The following MAGI1 variants were observed in gnomAD, a reference collection of about 807,000 sequenced individuals.
MAGI1 encodes membrane-associated guanylate kinase, WW and PDZ domain-containing protein 1.
Under a neutral mutation model 139.9 loss-of-function variants are expected in MAGI1, and 58 were observed. That is an observed-to-expected ratio of 0.41 (90% CI 0.34 to 0.52). MAGI1 has a LOEUF of 0.52. Ranked by LOEUF, MAGI1 falls within the 20% of genes least tolerant of loss-of-function variation. MAGI1 has a pLI of 0.12. For missense variants in MAGI1, 1,874 were observed against 1,901.6 expected (o/e 0.99, Z 0.27); for synonymous variants, 812 against 737.9 (o/e 1.10, Z -1.63).
chr3:65,502,676 A>G (rs1202032081), intron 2 of MAGI1, among the ~76,000 whole-genome samples: 1 of 152,200 alleles, frequency 6.6e-6, no homozygotes, highest in Non-Finnish European at 1.5e-5. Flanking sequence ...TCCCCTTTTT[A>G]CATGGGGCAT....
chr3:65,584,954 A>G (rs2081607160), intron 2 of MAGI1, among the ~76,000 whole-genome samples: 1 of 152,228 alleles, frequency 6.6e-6, no homozygotes, highest in Admixed American at 6.5e-5. Context: ...CATTGTGAGA[A>G]AGGCAGACGG....
intron 3 of MAGI1, among the ~76,000 whole-genome samples, chr3:65,479,339 G>A (rs1484420316): frequency 2.0e-5 from 3 of 151,996 alleles, no homozygotes; most frequent in South Asian, 4.2e-4. Context: ...AGAGTCATGC[G>A]GGGTAGGAAA....
At chr3:65,466,080 T>A (rs570931470) in intron 5 of MAGI1, among the ~76,000 whole-genome samples, 57 of 152,354 alleles carry the variant, frequency 3.7e-4, no homozygotes, top group African/African-American at 1.1e-3. Flanking sequence ...CTACTTTTTT[T>A]AAATCATCTA....
intron 13 of MAGI1, 31 bp from the exon 14 acceptor site, chr3:65,391,389 GA>G (rs751111254): frequency 1.9e-6 from 3 of 1,581,692 alleles, no homozygotes; most frequent in African/African-American, 2.7e-5. Context: ...GGGGCAAGAA[GA>G]AAAGATTATT....
rs776721424 is a variant in MAGI1 at position 66,038,127 on chromosome 3, C to T, written c.182G>A (p.Gly61Asp). ...EAAGLPGGGE[G>D]PRLGEGELLL... ...CAGCTCCCCTTCGCCCAGCCTCGGG[C>T]CCTCGCCGCCGCCGGGAAGCCCCGC... is the stretch of plus-strand genomic sequence containing the variant. The change falls in exon 1 of 23, where the codon GGC (glycine) becomes GAC (aspartate). Residue 61 changes from glycine to aspartate, a missense_variant. This residue lies in a region of MAGI1 where 648 missense variants were observed against 598.1 expected (regional missense o/e 1.08). Transcript: ENST00000402939. The T allele has an allele frequency of 1.7e-5, 28 of 1,612,150 alleles. No individual in the cohort carries two copies. In the South Asian group the frequency reaches 2.5e-4, roughly 15 times the overall value.
At chr3:65,907,568 A>T (rs58757851) in intron 1 of MAGI1, 1 of 152,198 alleles carries the variant, frequency 6.6e-6, no homozygotes, top group South Asian at 2.1e-4. Flanking sequence ...AAAAGCACAG[A>T]TTGGTTAAAA....
intron 2 of MAGI1, among the ~76,000 whole-genome samples, chr3:65,609,352 A>T (rs932778479): frequency 4.0e-5 from 6 of 150,398 alleles, no homozygotes; most frequent in Non-Finnish European, 8.8e-5. Context: ...ATGTTGACTC[A>T]CTGCAACCTC....
chr3:65,402,555 T>A (rs1412972387), intron 12 of MAGI1, among the ~76,000 whole-genome samples: 2 of 152,202 alleles, frequency 1.3e-5, no homozygotes, highest in African/African-American at 4.8e-5. Context: ...ATTCTATCTG[T>A]ATAAAGCACA....
intron 2 of MAGI1, among the ~76,000 whole-genome samples, chr3:65,510,098 C>A (rs1262827376): frequency 6.6e-6 from 1 of 152,058 alleles, no homozygotes; most frequent in Non-Finnish European, 1.5e-5. Flanking sequence ...AGGGTCCTGT[C>A]TGTTAGAAGG....
intron 1 of MAGI1, among the ~76,000 whole-genome samples, chr3:65,735,356 C>CGTGTGTGTCTGCACGTGTGTGT (rs1553699333): frequency 2.0e-5 from 3 of 148,078 alleles, no homozygotes; most frequent in African/African-American, 7.6e-5. Flanking sequence ...TGTGTCTGCA[C>CGTGTGTGTCTGCACGTGTGTGT]GTGTGTGTGT....
chr3:65,401,521 A>G, intron 12 of MAGI1, 51 bp from the exon 13 acceptor site: 2 of 1,599,280 alleles, frequency 1.3e-6, no homozygotes, highest in East Asian at 2.2e-5. Context: ...ATTAGCATAT[A>G]AATGTTACCT....
At position 65,802,786 on chromosome 3, in the gene MAGI1, C is replaced by T. The variant is rs72894128; in HGVS notation, c.314-180698G>A. On this transcript the variant is annotated intron_variant, in intron 1 of 22. Transcript: ENST00000402939. Reference sequence around the variant, plus strand: ...CTGCCTCAAGTACCGAATGCCTAACCATTTTCCTTCCATGGTGACTTCAAC... The same window carrying T: ...CTGCCTCAAGTACCGAATGCCTAACTATTTTCCTTCCATGGTGACTTCAAC... Among the ~76,000 whole-genome samples the T allele has an allele frequency of 7.8e-3, 1,177 of 151,682 alleles. 14 individuals are homozygous for T. The highest frequency in any genetic ancestry group is 0.027 in the African/African-American group (1,105 of 41,350).
chr3:65,540,145 A>G lies in MAGI1; in HGVS notation c.431-46514T>C, dbSNP rs72893048. Among the ~76,000 whole-genome samples the G allele has an allele frequency of 2.8e-3, 429 of 152,340 alleles. 2 individuals carry two copies. The highest frequency in any genetic ancestry group is 9.3e-3 in the African/African-American group (388 of 41,570). ...ACCACATACAACAGCAACTTATGCT[A>G]TAACAACTTATGCTATATGTTATGT... On this transcript the variant is annotated intron_variant, in intron 2 of 22. Coordinates refer to ENST00000402939, the MANE Select transcript of MAGI1 (RefSeq NM_001033057.2).
chr3:65,508,360 C>T (rs1210231888), intron 2 of MAGI1, among the ~76,000 whole-genome samples: 2 of 151,748 alleles, frequency 1.3e-5, no homozygotes, highest in East Asian at 1.9e-4. Flanking sequence ...GCCGAGATTG[C>T]GCCACTGCAC....
Position 65,442,722 on chromosome 3 carries a change from G to A in MAGI1, c.1136+70C>T, listed in dbSNP as rs1948429498. 6 of 1,135,882 alleles carry A rather than the reference G, an allele frequency of 5.3e-6. No individual in the cohort carries two copies. The Admixed American group carries it at 7.4e-5, about 14-fold the overall frequency. 70.4% of individuals were successfully genotyped at this position (1,135,882 alleles called of 1,614,324 possible). A position where few individuals can be genotyped will look rare whatever the true frequency, so the allele number is the denominator to read the frequency against. Reference sequence around the variant, plus strand: ...TTGTGCCTTATAATGATGTCAGGCTGTACTTAACACAAATGTACATAATTA... The same window carrying A: ...TTGTGCCTTATAATGATGTCAGGCTATACTTAACACAAATGTACATAATTA... On this transcript the variant is annotated intron_variant, in intron 8 of 22. Coordinates refer to ENST00000402939, the MANE Select transcript of MAGI1 (RefSeq NM_001033057.2).
chr3:65,521,260 CTCTT>C (rs925625607), intron 2 of MAGI1, among the ~76,000 whole-genome samples: 2 of 152,186 alleles, frequency 1.3e-5, no homozygotes, highest in African/African-American at 4.8e-5. Context: ...AACAATAAAA[CTCTT>C]TCTATGGCCT....
intron 2 of MAGI1, among the ~76,000 whole-genome samples, chr3:65,610,779 G>GTATATAGTATATATAGTATATATAGGTA (rs1559718326): frequency 2.3e-5 from 1 of 43,244 alleles, no homozygotes; most frequent in Non-Finnish European, 6.4e-5. Context: ...TATATATACT[G>GTATATAGTATATATAGTATATATAGGTA]TATATAGTAT....
At chr3:65,427,086 G>C (rs763446182) in intron 12 of MAGI1, among the ~76,000 whole-genome samples, 1 of 152,192 alleles carries the variant, frequency 6.6e-6, no homozygotes, top group Admixed American at 6.5e-5. Context: ...GGCCGAGGCA[G>C]GTGGATCCCT....
chr3:65,496,856 T>C (rs952516885), intron 2 of MAGI1, among the ~76,000 whole-genome samples: 2 of 152,196 alleles, frequency 1.3e-5, no homozygotes, highest in East Asian at 3.9e-4. Context: ...CATCACACCA[T>C]GCTAGGTCTA....
Sources: allele counts gnomAD v4.1 joint callset (sites outside exome capture counted in the v4.1 genomes callset), GRCh38; gene constraint gnomAD v4.1.1; regional missense constraint gnomAD v4.1.1; transcripts MANE v1.5; gene names NCBI Gene and HGNC (gene_info 2026-07-23, HGNC 2026-07-21).